The following DMD variants were observed in gnomAD, a reference collection of about 807,000 sequenced individuals.
The protein encoded by DMD is mutant dystrophin.
Under a neutral mutation model 330.1 loss-of-function variants are expected in DMD, and 63 were observed. The observed-to-expected ratio is 0.19, with a 90% CI of 0.16 to 0.24. The LOEUF is 0.24. Ranked by LOEUF, DMD falls within the 10% of genes least tolerant of loss-of-function variation. The pLI, the probability that DMD is intolerant of heterozygous loss-of-function variation, is 1.00. For missense variants in DMD, 3,344 were observed against 2,684.1 expected, an observed-to-expected ratio of 1.25 and a Z score of -5.43; for synonymous variants, 1,223 against 959.8, an observed-to-expected ratio of 1.27 and a Z score of -5.07.
chrX:32,877,578 A>G (rs1316649963), intron 2 of DMD, among the ~76,000 whole-genome samples: 2 of 112,045 alleles, frequency 1.8e-5, no homozygotes, highest in African/African-American at 6.5e-5. Context: ...ATCCAGATCC[A>G]CTAAGATTCC....
intron 63 of DMD, among the ~76,000 whole-genome samples, chrX:31,235,246 C>T (rs2047607336): frequency 9.0e-6 from 1 of 111,523 alleles, no homozygotes; most frequent in African/African-American, 3.3e-5. Flanking sequence ...TATATGTCAA[C>T]CGCAAAGGTA....
At chrX:32,393,216 C>A (rs1165254744) in intron 30 of DMD, among the ~76,000 whole-genome samples, 1 of 110,986 alleles carries the variant, frequency 9.0e-6, no homozygotes, top group Non-Finnish European at 1.9e-5. Flanking sequence ...TTTGTTACTT[C>A]TAAATGAGAG....
At chrX:32,633,134 A>C (rs113756706) in intron 11 of DMD, among the ~76,000 whole-genome samples, 1,408 of 112,396 alleles carry the variant, frequency 0.013, 15 homozygotes, top group African/African-American at 0.042. Flanking sequence ...CAATAAAATA[A>C]AATAATAAAT....
chrX:32,261,185 T>C (rs2097322039), intron 43 of DMD, among the ~76,000 whole-genome samples: 1 of 112,072 alleles, frequency 8.9e-6, no homozygotes, highest in Non-Finnish European at 1.9e-5. Flanking sequence ...TCTTTTCTCC[T>C]GGGGCTACCC....
chrX:31,396,207 G>A (rs1462330818), intron 60 of DMD, among the ~76,000 whole-genome samples: 1 of 104,554 alleles, frequency 9.6e-6, no homozygotes, highest in Non-Finnish European at 1.9e-5. Flanking sequence ...GCGCGATCTC[G>A]GCTCACTGCA....
chrX:33,227,318 A>G (rs1198488253), intron 1 of DMD, among the ~76,000 whole-genome samples: 2 of 111,096 alleles, frequency 1.8e-5, no homozygotes. Flanking sequence ...AAGCAAAAGA[A>G]AAAAATCCCC....
intron 64 of DMD, among the ~76,000 whole-genome samples, chrX:31,222,247 G>C (rs1431442495): frequency 1.9e-5 from 2 of 107,307 alleles, no homozygotes; most frequent in Non-Finnish European, 3.9e-5. Flanking sequence ...AATTAGCCGG[G>C]CATGGTGGGG....
chrX:31,940,821 G>C (rs1407689999), intron 45 of DMD, among the ~76,000 whole-genome samples: 2 of 110,824 alleles, frequency 1.8e-5, no homozygotes, highest in Non-Finnish European at 3.8e-5. Context: ...CAGGAGTGTA[G>C]TAAGAACGTC....
At chrX:32,559,754 G>T (rs1010117478) in intron 16 of DMD, among the ~76,000 whole-genome samples, 1 of 111,786 alleles carries the variant, frequency 8.9e-6, no homozygotes, top group African/African-American at 3.3e-5. Flanking sequence ...AAAAGCACTG[G>T]CTTATCATTT....
intron 63 of DMD, among the ~76,000 whole-genome samples, chrX:31,260,221 G>T (rs750975113): frequency 9.0e-6 from 1 of 111,454 alleles, no homozygotes; most frequent in Non-Finnish European, 1.9e-5. Context: ...CAGCCTGGGA[G>T]ACAGAGCAAG....
In DMD at chrX:31,849,776, TTAA is replaced by T. The variant is rs762555611; in HGVS notation, c.7099-12960_7099-12958del. Among the ~76,000 whole-genome samples, 574 of 111,242 alleles carry T rather than the reference TTAA, an allele frequency of 5.2e-3. 2 individuals carry two copies. The highest frequency in any genetic ancestry group is 0.038 in the Middle Eastern group (8 of 213). ...GAATAAATAGACATAAGATCTACTA[TTAA>T]TGCTTGGTTTTCTAATCAAATAAGC... On this transcript the variant is annotated intron_variant, in intron 48 of 78. Transcript: ENST00000357033.
At chrX:33,281,512 C>G (rs758988434) in intron 1 of DMD, among the ~76,000 whole-genome samples, 4 of 111,718 alleles carry the variant, frequency 3.6e-5, no homozygotes, top group Non-Finnish European at 7.5e-5. Context: ...CCTGGCCTGA[C>G]TTCTACTTTA....
chrX:32,804,831 T>C (rs1402711019), intron 7 of DMD, among the ~76,000 whole-genome samples: 2 of 111,759 alleles, frequency 1.8e-5, no homozygotes, highest in East Asian at 5.7e-4. Flanking sequence ...CCCAGGCAAA[T>C]AGGGTCTAGA....
intron 21 of DMD, among the ~76,000 whole-genome samples, chrX:32,481,558 C>T (rs763659862): frequency 9.0e-6 from 1 of 111,685 alleles, no homozygotes; most frequent in South Asian, 3.7e-4. Context: ...TTGTTACATT[C>T]CAGCCTTTCT....
intron 53 of DMD, among the ~76,000 whole-genome samples, chrX:31,661,616 T>C (rs1046326130): frequency 2.7e-5 from 3 of 111,797 alleles, no homozygotes; most frequent in Non-Finnish European, 5.6e-5. Flanking sequence ...TTGACAATGG[T>C]GTACACCACA....
chrX:31,948,941 A>T (rs978910424), intron 45 of DMD, among the ~76,000 whole-genome samples: 5 of 111,338 alleles, frequency 4.5e-5, no homozygotes, highest in African/African-American at 1.6e-4. Context: ...AAAAAATATG[A>T]ATAGGTTTGT....
intron 38 of DMD, among the ~76,000 whole-genome samples, chrX:32,346,825 T>A (rs911360579): frequency 3.6e-5 from 4 of 111,661 alleles, no homozygotes; most frequent in African/African-American, 1.3e-4. Flanking sequence ...AAATAAAATG[T>A]TTTGAATAAA....
At chrX:32,966,946 C>A (rs2092180199) in intron 2 of DMD, among the ~76,000 whole-genome samples, 1 of 111,918 alleles carries the variant, frequency 8.9e-6, no homozygotes, top group Non-Finnish European at 1.9e-5. Context: ...TAGCAAAATC[C>A]TGGTATAAAG....
At chrX:33,057,658 T>C (rs2094533685) in intron 1 of DMD, among the ~76,000 whole-genome samples, 1 of 111,533 alleles carries the variant, frequency 9.0e-6, no homozygotes, top group East Asian at 2.8e-4. Context: ...CAATTCACAC[T>C]ATATTCCCAC....
Sources: gnomAD v4.1 joint callset for allele counts (sites outside exome capture counted in the v4.1 genomes callset) on GRCh38, gnomAD v4.1.1 for gene constraint, MANE v1.5 for transcripts, NCBI Gene and HGNC (gene_info 2026-07-23, HGNC 2026-07-21) for gene names.